The following CAMSAP2 variants were observed in gnomAD, a reference collection of about 807,000 sequenced individuals.
CAMSAP2 encodes calmodulin regulated spectrin associated protein family member 2.
A neutral mutation model predicts 146.1 loss-of-function variants in CAMSAP2; 26 were observed. The observed-to-expected ratio is 0.18, with a 90% CI of 0.13 to 0.25. CAMSAP2 has a LOEUF of 0.25. Among genes scored for constraint, CAMSAP2 ranks in the 10% least tolerant of loss-of-function variants. The pLI, the probability that CAMSAP2 is intolerant of heterozygous loss-of-function variation, is 1.00. For synonymous variants in CAMSAP2, 499 were observed against 596.6 expected, an observed-to-expected ratio of 0.84 and a Z score of 2.38; for missense variants, 1,381 against 1,759.3, an observed-to-expected ratio of 0.78 and a Z score of 3.85.
chr1:200,747,789 T>A (rs1303037191), intron 1 of CAMSAP2, among the ~76,000 whole-genome samples: 1 of 152,114 alleles, frequency 6.6e-6, no homozygotes, highest in Non-Finnish European at 1.5e-5. Context: ...GGCAGGCGGA[T>A]CACGAGGTCA....
intron 1 of CAMSAP2, among the ~76,000 whole-genome samples, chr1:200,759,533 T>C (rs1664742218): frequency 6.6e-6 from 1 of 152,190 alleles, no homozygotes; most frequent in Admixed American, 6.5e-5. Flanking sequence ...CACTTCGACC[T>C]CCCAAAGTGC....
Position 200,739,007 on chromosome 1 carries a change from A to G in CAMSAP2, c.-821A>G, listed in dbSNP as rs2102978409. Among the ~76,000 whole-genome samples the G allele has an allele frequency of 6.6e-6, 1 of 151,532 alleles. No homozygotes were observed. Among genetic ancestry groups the G allele is most frequent in the East Asian group, 1.9e-4 (1 of 5,140 alleles). ...GCAGAAAGGGGGGCAGGAAAAAATTACAAGGACATTACTGATAAGACAGGA... is the reference window on the plus strand; with the variant it reads ...GCAGAAAGGGGGGCAGGAAAAAATTGCAAGGACATTACTGATAAGACAGGA... On this transcript the variant is annotated 5_prime_UTR_variant, in exon 1 of 17. Coordinates refer to ENST00000358823, the MANE Select transcript of CAMSAP2 (RefSeq NM_203459.4). This position sits in a 1 kb window ranked among gnomAD's most constrained non-coding sequence, Gnocchi z 4.8.
At chr1:200,807,584 C>T (rs1381191277) in intron 3 of CAMSAP2, 47 bp downstream of exon 3, 12 of 1,262,728 alleles carry the variant, frequency 9.5e-6, no homozygotes, top group South Asian at 3.9e-5. Flanking sequence ...AGCCAGAAAA[C>T]GTGAAATTCT....
chr1:200,842,222 T>G (rs1667342703), intron 7 of CAMSAP2, 135 bp downstream of exon 7: 2 of 643,170 alleles, frequency 3.1e-6, no homozygotes, highest in Non-Finnish European at 2.7e-6. Flanking sequence ...ACTTGATAGA[T>G]TCTCCTAACC....
chr1:200,828,004 T>C (rs1453561497), intron 4 of CAMSAP2, among the ~76,000 whole-genome samples: 2 of 152,170 alleles, frequency 1.3e-5, no homozygotes, highest in African/African-American at 2.4e-5. Flanking sequence ...ACAAAAATCT[T>C]AACTGGTAAC....
chr1:200,798,995 G>A (rs1376447840), intron 2 of CAMSAP2, among the ~76,000 whole-genome samples: 1 of 152,166 alleles, frequency 6.6e-6, no homozygotes, highest in Non-Finnish European at 1.5e-5. Context: ...TATTGAACCA[G>A]CCTTGCATCC....
At chr1:200,825,605 C>G (rs914496890) in intron 4 of CAMSAP2, among the ~76,000 whole-genome samples, 4 of 151,498 alleles carry the variant, frequency 2.6e-5, no homozygotes, top group African/African-American at 9.7e-5. Context: ...CTCCCAGGTT[C>G]AAGCGATTCT....
At chr1:200,745,595 C>T (rs1416273200) in intron 1 of CAMSAP2, among the ~76,000 whole-genome samples, 1 of 152,158 alleles carries the variant, frequency 6.6e-6, no homozygotes, top group Non-Finnish European at 1.5e-5. Context: ...GAGTCTAAGC[C>T]TTTGTGATAC....
intron 1 of CAMSAP2, among the ~76,000 whole-genome samples, chr1:200,741,275 T>C (rs1173526068): frequency 5.9e-5 from 9 of 152,260 alleles, no homozygotes; most frequent in South Asian, 2.1e-4. Flanking sequence ...CAGGAATAAA[T>C]ATAGTAAATC....
intron 2 of CAMSAP2, among the ~76,000 whole-genome samples, chr1:200,783,176 C>T (rs1024728906): frequency 6.6e-6 from 1 of 152,156 alleles, no homozygotes; most frequent in Non-Finnish European, 1.5e-5. Context: ...CTGAGCGTTC[C>T]AGTTGCTCCA....
At chr1:200,807,857 C>T (rs1245708856) in intron 3 of CAMSAP2, among the ~76,000 whole-genome samples, 4 of 151,166 alleles carry the variant, frequency 2.6e-5, no homozygotes, top group Non-Finnish European at 4.4e-5. Context: ...TCTCATGCCT[C>T]GGCCTCCCAA....
At chr1:200,836,349 G>C (rs1383622075) in intron 6 of CAMSAP2, among the ~76,000 whole-genome samples, 1 of 152,110 alleles carries the variant, frequency 6.6e-6, no homozygotes, top group African/African-American at 2.4e-5. Flanking sequence ...GTGGTGTGTG[G>C]TTTTGTTTCT....
chr1:200,748,132 T>G (rs1349312832), intron 1 of CAMSAP2, among the ~76,000 whole-genome samples: 1 of 152,230 alleles, frequency 6.6e-6, no homozygotes, highest in Non-Finnish European at 1.5e-5. Context: ...AAGGATTGAT[T>G]ATAGAAAATC....
intron 3 of CAMSAP2, among the ~76,000 whole-genome samples, chr1:200,814,609 C>CAAAAA (rs1204730822): frequency 1.7e-4 from 4 of 24,120 alleles, no homozygotes; most frequent in Non-Finnish European, 2.1e-4. Flanking sequence ...GATTGCATCC[C>CAAAAA]AAAAAAAAAA....
intron 2 of CAMSAP2, among the ~76,000 whole-genome samples, chr1:200,785,388 CTTTTGTTTTTT>C (rs1665556582): frequency 7.0e-6 from 1 of 142,652 alleles, no homozygotes; most frequent in Non-Finnish European, 1.5e-5. Flanking sequence ...CTTTTTTTTT[CTTTTGTTTTTT>C]TTTTTTTTGA....
intron 2 of CAMSAP2, among the ~76,000 whole-genome samples, chr1:200,782,026 A>G (rs1159352149): frequency 2.0e-5 from 3 of 152,204 alleles, no homozygotes; most frequent in African/African-American, 7.2e-5. Context: ...AAATGATTAC[A>G]GTGAAGTTTG....
intron 4 of CAMSAP2, among the ~76,000 whole-genome samples, chr1:200,824,821 A>G: frequency 6.6e-6 from 1 of 152,176 alleles, no homozygotes; most frequent in East Asian, 1.9e-4. Flanking sequence ...TCTACCAAAA[A>G]TACAAAAATT....
chr1:200,816,621 T>C (rs1261617856), intron 4 of CAMSAP2, among the ~76,000 whole-genome samples: 2 of 140,254 alleles, frequency 1.4e-5, no homozygotes, highest in African/African-American at 5.2e-5. Context: ...TATATATATA[T>C]ATATGTATAT....
At chr1:200,802,986 T>C (rs1193559435) in intron 2 of CAMSAP2, among the ~76,000 whole-genome samples, 1 of 152,210 alleles carries the variant, frequency 6.6e-6, no homozygotes, top group African/African-American at 2.4e-5. Context: ...AATCCTTTTC[T>C]TTTCATTGAA....
Sources: gnomAD v4.1 joint callset for allele counts (sites outside exome capture counted in the v4.1 genomes callset) on GRCh38, gnomAD v4.1.1 for gene constraint, Gnocchi (gnomAD v3.1) non-coding constraint, MANE v1.5 for transcripts, NCBI Gene and HGNC (gene_info 2026-07-23, HGNC 2026-07-21) for gene names.